Variants in GALNT13 observed in about 807,000 individuals in gnomAD.
GALNT13 encodes the protein UDP-GalNAc:polypeptide N-acetylgalactosaminyltransferase 13.
In GALNT13, 28 loss-of-function variants were observed where a neutral mutation model predicts 64.2. The ratio of observed to expected loss-of-function variants is 0.44; its 90% CI spans 0.32 to 0.60. GALNT13 has a LOEUF of 0.60. GALNT13 is among the 20% of genes least tolerant of loss of function. The probability of loss-of-function intolerance (pLI) is 0.05; values close to 1 mark genes in which losing one functional copy is unlikely to be tolerated. For synonymous variants in GALNT13, 214 were observed against 224.6 expected, an observed-to-expected ratio of 0.95 and a Z score of 0.42; for missense variants, 577 against 669.8, an observed-to-expected ratio of 0.86 and a Z score of 1.53.
At chr2:153,636,134 T>C in the GALNT13 span, among the ~76,000 whole-genome samples, 4 of 152,096 alleles carry the variant, frequency 2.6e-5, no homozygotes, top group Non-Finnish European at 4.4e-5. Flanking sequence ...TTCTGTCTAA[T>C]TCCCCCCTTC....
chr2:153,816,987 A>G, the GALNT13 span, among the ~76,000 whole-genome samples: 2 of 152,186 alleles, frequency 1.3e-5, no homozygotes, highest in Admixed American at 1.3e-4. Context: ...CTGACCATGG[A>G]ACATCAAATG....
chr2:153,085,887 A>C, the GALNT13 span, among the ~76,000 whole-genome samples: 1 of 152,160 alleles, frequency 6.6e-6, no homozygotes. Context: ...CAGATACTCA[A>C]TGCCAGCCTG....
the GALNT13 span, among the ~76,000 whole-genome samples, chr2:153,079,534 C>A: frequency 2.0e-5 from 3 of 152,080 alleles, no homozygotes. Context: ...ATCAGTTTGA[C>A]AAGGAAAAGT....
intron 2 of GALNT13, among the ~76,000 whole-genome samples, chr2:153,918,800 A>C (rs1377327374): frequency 6.6e-6 from 1 of 152,118 alleles, no homozygotes; most frequent in Non-Finnish European, 1.5e-5. Context: ...CCAAAAATGC[A>C]TTTGTGCATA....
intron 4 of GALNT13, among the ~76,000 whole-genome samples, chr2:154,235,506 T>C: frequency 6.6e-6 from 1 of 152,240 alleles, no homozygotes; most frequent in South Asian, 2.1e-4. Flanking sequence ...TGAATATGAA[T>C]GTTAATGATT....
At chr2:153,386,582 T>C in the GALNT13 span, among the ~76,000 whole-genome samples, 1 of 152,012 alleles carries the variant, frequency 6.6e-6, no homozygotes, top group Non-Finnish European at 1.5e-5. Flanking sequence ...TTCCAGGTAG[T>C]AAAAGTCACC....
chr2:153,816,225 A>C, the GALNT13 span, among the ~76,000 whole-genome samples: 20 of 152,336 alleles, frequency 1.3e-4, no homozygotes, highest in East Asian at 3.7e-3. Flanking sequence ...GACAAGAGCC[A>C]TCCGAATCTG....
chr2:154,378,737 G>C (rs1698120569), intron 9 of GALNT13, among the ~76,000 whole-genome samples: 1 of 151,874 alleles, frequency 6.6e-6, no homozygotes, highest in Non-Finnish European at 1.5e-5. Context: ...ATATGAGTGA[G>C]ATTAACCCTG....
intron 10 of GALNT13, among the ~76,000 whole-genome samples, chr2:154,400,523 T>C (rs1055607499): frequency 3.4e-4 from 52 of 152,274 alleles, no homozygotes; most frequent in African/African-American, 1.3e-3. Context: ...TGGTATTCAG[T>C]TTTTCTATTA....
chr2:154,255,560 A>AG (rs1242063191), intron 7 of GALNT13, among the ~76,000 whole-genome samples: 2 of 152,188 alleles, frequency 1.3e-5, no homozygotes, highest in Non-Finnish European at 2.9e-5. Context: ...TGAGGCCACA[A>AG]GCATGAATGC....
intron 12 of GALNT13, among the ~76,000 whole-genome samples, chr2:154,442,977 G>A (rs764058984): frequency 2.6e-5 from 4 of 151,928 alleles, no homozygotes; most frequent in Non-Finnish European, 5.9e-5. Context: ...TTTTTCCATA[G>A]GTGAAATGTG....
At chr2:153,246,386 G>A in the GALNT13 span, among the ~76,000 whole-genome samples, 1 of 152,160 alleles carries the variant, frequency 6.6e-6, no homozygotes, top group Non-Finnish European at 1.5e-5. Flanking sequence ...AAACTGTTAA[G>A]GGCAGCCAGA....
chr2:154,239,125 A>C (rs1336883728), intron 4 of GALNT13, among the ~76,000 whole-genome samples: 1 of 152,152 alleles, frequency 6.6e-6, no homozygotes. Flanking sequence ...AATTCATTAT[A>C]ATTTTGACAC....
At chr2:153,942,727 T>A (rs1020882707) in intron 2 of GALNT13, among the ~76,000 whole-genome samples, 1 of 152,100 alleles carries the variant, frequency 6.6e-6, no homozygotes, top group Non-Finnish European at 1.5e-5. Flanking sequence ...TAAATGTAAA[T>A]GTAATTTTTT....
chr2:153,720,105 T>G, the GALNT13 span, among the ~76,000 whole-genome samples: 2 of 145,786 alleles, frequency 1.4e-5, no homozygotes, highest in African/African-American at 5.1e-5. Context: ...AGCACGCAGC[T>G]GGAGATCTGA....
chr2:154,426,264 C>T (rs865855660), intron 11 of GALNT13, among the ~76,000 whole-genome samples: 1 of 152,300 alleles, frequency 6.6e-6, no homozygotes, highest in Admixed American at 6.5e-5. Flanking sequence ...GGCTGCCCTC[C>T]GTTATGTGCC....
intron 4 of GALNT13, among the ~76,000 whole-genome samples, chr2:154,195,873 C>T (rs1319556481): frequency 6.6e-6 from 1 of 152,134 alleles, no homozygotes. Flanking sequence ...AACCCCTGCT[C>T]ATGGTACCAG....
intron 4 of GALNT13, among the ~76,000 whole-genome samples, chr2:154,230,921 C>G (rs1024654779): frequency 6.6e-6 from 1 of 152,044 alleles, no homozygotes; most frequent in African/African-American, 2.4e-5. Context: ...CATGACATTG[C>G]TAATATAATG....
the GALNT13 span, among the ~76,000 whole-genome samples, chr2:153,689,432 G>A: frequency 1.3e-5 from 2 of 151,962 alleles, no homozygotes; most frequent in African/African-American, 4.8e-5. Context: ...TACTTTGCTG[G>A]TTATAATTAT....
Sources: gnomAD v4.1 joint callset for allele counts (sites outside exome capture counted in the v4.1 genomes callset) on GRCh38, gnomAD v4.1.1 for gene constraint, MANE v1.5 for transcripts, NCBI Gene and HGNC (gene_info 2026-07-23, HGNC 2026-07-21) for gene names.